Variants in KIAA1328 observed in about 807,000 individuals in gnomAD.
KIAA1328 encodes protein hinderin.
In KIAA1328, 52 loss-of-function variants were observed where a neutral mutation model predicts 68.1. The observed-to-expected ratio is 0.76, with a 90% CI of 0.61 to 0.96. KIAA1328 has a LOEUF of 0.96. Ranked by LOEUF, KIAA1328 falls within the 40% of genes least tolerant of loss-of-function variation. KIAA1328 has a pLI of 0.00. For synonymous variants in KIAA1328, 232 were observed against 239.4 expected, an observed-to-expected ratio of 0.97 and a Z score of 0.28; for missense variants, 641 against 677.6, an observed-to-expected ratio of 0.95 and a Z score of 0.60.
chr18:37,231,008 T>G (rs1001885619), downstream of KIAA1328: 4 of 152,432 alleles, frequency 2.6e-5, no homozygotes, highest in South Asian at 2.1e-4. Context: ...TGCTGCTGTT[T>G]CCTGCCTATG....
intron 6 of KIAA1328, among the ~76,000 whole-genome samples, chr18:36,998,820 G>A (rs1316638962): frequency 3.9e-5 from 6 of 152,148 alleles, no homozygotes; most frequent in Non-Finnish European, 5.9e-5. Flanking sequence ...AGGAAGAAGC[G>A]ACTACTGTGC....
chr18:37,014,870 C>A (rs2054097454), intron 6 of KIAA1328, among the ~76,000 whole-genome samples: 1 of 152,080 alleles, frequency 6.6e-6, no homozygotes. Flanking sequence ...AGTTTGAGGT[C>A]TTACATTTAA....
intron 5 of KIAA1328, among the ~76,000 whole-genome samples, chr18:36,957,139 G>A (rs2051451853): frequency 1.3e-5 from 2 of 152,076 alleles, no homozygotes; most frequent in Admixed American, 6.6e-5. Context: ...GTCATGATTG[G>A]CAAAAGTTAT....
chr18:37,182,440 A>G (rs2059715833), intron 9 of KIAA1328, among the ~76,000 whole-genome samples: 1 of 152,190 alleles, frequency 6.6e-6, no homozygotes, highest in African/African-American at 2.4e-5. Context: ...AATCTATAAA[A>G]TGGGAGTAAT....
intron 6 of KIAA1328, among the ~76,000 whole-genome samples, chr18:37,065,487 T>C (rs559939277): frequency 1.2e-4 from 18 of 152,282 alleles, no homozygotes; most frequent in Non-Finnish European, 2.5e-4. Flanking sequence ...TCAAAAGAAA[T>C]AACAGCTGCT....
intron 6 of KIAA1328, among the ~76,000 whole-genome samples, chr18:36,983,236 C>T (rs1181299840): frequency 6.6e-6 from 1 of 151,926 alleles, no homozygotes; most frequent in Non-Finnish European, 1.5e-5. Flanking sequence ...CAGAAACCCA[C>T]ATGAAATTTA....
At chr18:36,843,493 G>A (rs1434657941) in intron 3 of KIAA1328, among the ~76,000 whole-genome samples, 1 of 152,142 alleles carries the variant, frequency 6.6e-6, no homozygotes, top group African/African-American at 2.4e-5. Flanking sequence ...TCCTAATGAT[G>A]CTGAGGTGCT....
chr18:36,945,034 A>T (rs1347081524), intron 5 of KIAA1328, among the ~76,000 whole-genome samples: 1 of 152,224 alleles, frequency 6.6e-6, no homozygotes, highest in African/African-American at 2.4e-5. Flanking sequence ...TTCTTAAGAT[A>T]AACATGAATG....
At chr18:36,901,521 T>C (rs1338338257) in intron 5 of KIAA1328, among the ~76,000 whole-genome samples, 2 of 152,054 alleles carry the variant, frequency 1.3e-5, no homozygotes, top group Admixed American at 1.3e-4. Context: ...AAGAATTGTT[T>C]TGAGAGTTGA....
chr18:37,212,645 A>G (rs2060339415), intron 9 of KIAA1328, among the ~76,000 whole-genome samples: 1 of 152,250 alleles, frequency 6.6e-6, no homozygotes, highest in Admixed American at 6.5e-5. Flanking sequence ...TGATAAAATA[A>G]TAATACTTTA....
rs2056370180 is a variant in KIAA1328, at chr18:37,067,198, T to A, written c.885T>A (p.Cys295Ter). Residue 295 changes from cysteine (C) to a stop codon, truncating the protein, a stop_gained, in exon 7 of 10, where the codon TGT becomes TGA. Coordinates refer to ENST00000280020, the MANE Select transcript of KIAA1328 (RefSeq NM_020776.3). LOFTEE classifies it high-confidence loss of function. Reference protein sequence around the residue: ...MPQEELHMKECPHLKPTPSQC... With the variant: ...MPQEELHMKE ...AAGAAGAATTGCACATGAAGGAATGTCCACATCTTAAGCCTACTCCTAGTC... is the reference window on the plus strand; with the variant it reads ...AAGAAGAATTGCACATGAAGGAATGACCACATCTTAAGCCTACTCCTAGTC... 1 of 1,613,972 alleles carries A rather than the reference T, an allele frequency of 6.2e-7. No individual in the cohort carries two copies. The highest frequency in any genetic ancestry group is 8.5e-7 in the Non-Finnish European group (1 of 1,179,872).
At chr18:37,028,473 A>G (rs2054686155) in intron 6 of KIAA1328, among the ~76,000 whole-genome samples, 1 of 151,780 alleles carries the variant, frequency 6.6e-6, no homozygotes, top group Admixed American at 6.6e-5. Context: ...TAGTCTGTGA[A>G]AAGAGATAGT....
chr18:36,955,817 G>A (rs1409345868), intron 5 of KIAA1328: 1 of 151,576 alleles, frequency 6.6e-6, no homozygotes, highest in Non-Finnish European at 1.5e-5. Flanking sequence ...TTTCACAGGG[G>A]CCTCTCTACA....
intron 4 of KIAA1328, among the ~76,000 whole-genome samples, chr18:36,846,625 C>T (rs190967135): frequency 1.3e-5 from 2 of 151,628 alleles, no homozygotes; most frequent in Admixed American, 1.3e-4. Context: ...TCTGTTTCCC[C>T]TTTCTCCCCC....
At chr18:37,016,397 A>G (rs893159662) in intron 6 of KIAA1328, among the ~76,000 whole-genome samples, 2 of 151,926 alleles carry the variant, frequency 1.3e-5, no homozygotes, top group South Asian at 4.2e-4. Flanking sequence ...CAGGATTTTT[A>G]TGTCTGTCTT....
At chr18:37,028,512 C>CTTTTTT (rs575689979) in intron 6 of KIAA1328, among the ~76,000 whole-genome samples, 2 of 146,904 alleles carry the variant, frequency 1.4e-5, no homozygotes, top group Non-Finnish European at 1.5e-5. Flanking sequence ...GGTTAGATGC[C>CTTTTTT]TTTTTTTTTT....
intron 6 of KIAA1328, among the ~76,000 whole-genome samples, chr18:36,991,039 A>T (rs1485854784): frequency 2.6e-5 from 4 of 152,100 alleles, no homozygotes; most frequent in Non-Finnish European, 4.4e-5. Context: ...CTTCCTATTT[A>T]TTTATTGGTC....
Position 36,957,523 on chromosome 18 carries a change from A to G in KIAA1328, c.449-1785A>G, listed in dbSNP as rs138200681. 9.2e-5 allele frequency among the ~76,000 whole-genome samples: 14 copies of G among 152,288 alleles called. No homozygotes were observed. In the East Asian group the frequency reaches 2.7e-3, roughly 29 times the overall value. On this transcript the variant is annotated intron_variant, in intron 5 of 9. Transcript: ENST00000280020. ...TCATCTTGAACAACTGGCAATTTTT[A>G]GGAGTTGTGAGAGAGGGTACCCCAG...
chr18:36,866,822 C>G (rs1374946066), intron 4 of KIAA1328, among the ~76,000 whole-genome samples: 2 of 152,016 alleles, frequency 1.3e-5, no homozygotes, highest in African/African-American at 4.8e-5. Flanking sequence ...AAGGTCAAAC[C>G]AAGTGGGAGA....
Sources: allele counts gnomAD v4.1 joint callset (sites outside exome capture counted in the v4.1 genomes callset), GRCh38; gene constraint gnomAD v4.1.1; transcripts MANE v1.5; gene names NCBI Gene and HGNC (gene_info 2026-07-23, HGNC 2026-07-21).